Variants in SIMC1 observed in about 807,000 individuals in gnomAD.
SIMC1 encodes the protein SUMO-interacting motif-containing protein 1.
A neutral mutation model predicts 82.3 loss-of-function variants in SIMC1; 55 were observed. The observed-to-expected ratio is 0.67, with a 90% CI of 0.54 to 0.84. The LOEUF is 0.84. Among genes scored for constraint, SIMC1 ranks in the 40% least tolerant of loss-of-function variants. SIMC1 has a pLI of 0.00. For missense variants in SIMC1, 915 were observed against 1,107.2 expected (o/e 0.83, Z 2.46); for synonymous variants, 353 against 426.3 (o/e 0.83, Z 2.12).
At chr5:176,246,157 G>A (rs545599076) in intron 1 of SIMC1, among the ~76,000 whole-genome samples, 1 of 151,212 alleles carries the variant, frequency 6.6e-6, no homozygotes, top group East Asian at 2.0e-4. Flanking sequence ...TTACAGGCAT[G>A]TGCCACTACA....
chr5:176,261,876 C>A (rs1180021133), intron 1 of SIMC1, among the ~76,000 whole-genome samples: 3 of 152,078 alleles, frequency 2.0e-5, no homozygotes, highest in South Asian at 2.1e-4. Context: ...GATGGGTTGG[C>A]GAGTGAATTC....
At chr5:176,279,087 T>C (rs1452631440) in intron 1 of SIMC1, among the ~76,000 whole-genome samples, 4 of 152,220 alleles carry the variant, frequency 2.6e-5, no homozygotes, top group African/African-American at 4.8e-5. Flanking sequence ...TCCTGGACTC[T>C]TTTTGGTTAG....
At chr5:176,302,176 A>C (rs867914661) in intron 4 of SIMC1, among the ~76,000 whole-genome samples, 1 of 152,150 alleles carries the variant, frequency 6.6e-6, no homozygotes, top group African/African-American at 2.4e-5. Flanking sequence ...TTCAAATCTC[A>C]GTTGGTTGAA....
chr5:176,324,497 C>A (rs561773072), intron 6 of SIMC1, 132 bp from the exon 7 acceptor site: 17 of 832,592 alleles, frequency 2.0e-5, no homozygotes, highest in Non-Finnish European at 2.9e-5. Flanking sequence ...TTCTCCCTGA[C>A]CTTGTGTGTG....
chr5:176,341,408 A>G (rs1486199095), intron 9 of SIMC1, among the ~76,000 whole-genome samples: 1 of 152,266 alleles, frequency 6.6e-6, no homozygotes. Context: ...GCTGGTTCTA[A>G]TAACAGAGTG....
rs940496922 is a variant in SIMC1, at chr5:176,308,431, C to T, written c.1735-5260C>T. ...ATGAGAGTTGTGGGCTGGTATCATTCCCATCCTCATATAACTGTTTGGCCT... is the reference window on the plus strand; with the variant it reads ...ATGAGAGTTGTGGGCTGGTATCATTTCCATCCTCATATAACTGTTTGGCCT... On this transcript the variant is annotated intron_variant, in intron 4 of 9. Coordinates refer to ENST00000429602, the MANE Select transcript of SIMC1 (RefSeq NM_001308195.2). The T allele has an allele frequency of 1.1e-5, 18 of 1,607,352 alleles. No homozygotes were observed. In the African/African-American group the frequency reaches 2.3e-4, roughly 20 times the overall value.
At chr5:176,327,160 CA>C (rs578048115) in intron 7 of SIMC1, among the ~76,000 whole-genome samples, 24 of 151,000 alleles carry the variant, frequency 1.6e-4, no homozygotes, top group Non-Finnish European at 3.4e-4. Flanking sequence ...GAATAGGTAA[CA>C]AAAAAAAATT....
At chr5:176,300,846 C>T (rs1315982939) in intron 4 of SIMC1, among the ~76,000 whole-genome samples, 1 of 152,044 alleles carries the variant, frequency 6.6e-6, no homozygotes, top group African/African-American at 2.4e-5. Flanking sequence ...AACTGGATAA[C>T]CTAGAATAAA....
At chr5:176,297,078 A>G (rs572392498) in intron 4 of SIMC1, among the ~76,000 whole-genome samples, 41 of 152,350 alleles carry the variant, frequency 2.7e-4, no homozygotes, top group Admixed American at 2.1e-3. Flanking sequence ...CAGGAGTCAG[A>G]TGTGGGCTAT....
chr5:176,267,733 G>GTTTTTTT (rs1159766316), intron 1 of SIMC1, among the ~76,000 whole-genome samples: 2 of 27,238 alleles, frequency 7.3e-5, no homozygotes, highest in African/African-American at 2.0e-4. Flanking sequence ...TTTTCTTTCT[G>GTTTTTTT]TTTTTTTTTT....
In SIMC1 at chr5:176,305,022, C is replaced by T. The variant is rs1476255940; in HGVS notation, c.1735-8669C>T. ...CCCGTCTGAGAAGTGAGGAGCCTCT[C>T]CGCCCGGCAGCCACCCCATCTGGGA... On this transcript the variant is annotated intron_variant, in intron 4 of 9. Transcript: ENST00000429602. Among the ~76,000 whole-genome samples the T allele has an allele frequency of 6.8e-5, 10 of 146,338 alleles. No individual in the cohort carries two copies. In the South Asian group the frequency reaches 1.3e-3, roughly 19 times the overall value.
intron 7 of SIMC1, among the ~76,000 whole-genome samples, chr5:176,325,303 C>T (rs1202998174): frequency 3.3e-5 from 5 of 152,090 alleles, no homozygotes; most frequent in African/African-American, 1.2e-4. Flanking sequence ...ACGAAAATCG[C>T]TTGAACCAGG....
Position 176,313,857 on chromosome 5 carries a change from C to T in SIMC1, c.1889+12C>T, listed in dbSNP as rs772337879. The stretch of plus-strand genomic sequence containing the variant: ...CCCCACAATGTCAGGTAAGCAGCCA[C>T]CTGAGCCCTCGGATGAGAAGAGGTA... On this transcript the variant is annotated intron_variant, in intron 5 of 9. Transcript: ENST00000429602. 6.8e-6 allele frequency: 11 copies of T among 1,612,998 alleles called. No homozygotes were observed. In the South Asian group the frequency reaches 1.2e-4, roughly 18 times the overall value.
intron 4 of SIMC1, among the ~76,000 whole-genome samples, chr5:176,302,921 G>C (rs918914001): frequency 1.4e-4 from 22 of 152,122 alleles, no homozygotes; most frequent in African/African-American, 5.3e-4. Flanking sequence ...AAATGGTAAG[G>C]CTTCCTATAT....
intron 4 of SIMC1, among the ~76,000 whole-genome samples, chr5:176,303,600 G>T (rs560736657): frequency 1.3e-5 from 2 of 152,084 alleles, no homozygotes; most frequent in East Asian, 3.9e-4. Context: ...GATTACAGGC[G>T]TGAGCCACCA....
At chr5:176,304,251 G>A (rs56299578) in intron 4 of SIMC1, 33,525 of 134,610 alleles carry the variant, frequency 0.25, 4,850 homozygotes, top group Non-Finnish European at 0.36. Flanking sequence ...ATGCGGAGCC[G>A]AAGCTGGACT....
At chr5:176,262,780 G>A (rs187787234) in intron 1 of SIMC1, among the ~76,000 whole-genome samples, 1 of 152,150 alleles carries the variant, frequency 6.6e-6, no homozygotes, top group African/African-American at 2.4e-5. Flanking sequence ...GCCCCAGCCT[G>A]GGTGACAGAG....
chr5:176,241,503 T>C (rs1391365578), intron 1 of SIMC1, among the ~76,000 whole-genome samples: 1 of 150,078 alleles, frequency 6.7e-6, no homozygotes, highest in African/African-American at 2.5e-5. Context: ...TGTTCATTTG[T>C]TTATTAAGTT....
chr5:176,335,674 A>G (rs545786581), intron 7 of SIMC1, among the ~76,000 whole-genome samples: 127 of 152,248 alleles, frequency 8.3e-4, no homozygotes, highest in Middle Eastern at 3.4e-3. Flanking sequence ...TCCTTTGTAG[A>G]TCTCTGAGTT....
Sources: gnomAD v4.1 joint callset for allele counts (sites outside exome capture counted in the v4.1 genomes callset) on GRCh38, gnomAD v4.1.1 for gene constraint, MANE v1.5 for transcripts, NCBI Gene and HGNC (gene_info 2026-07-23, HGNC 2026-07-21) for gene names.